ERO1A: variants seen among roughly 807,000 people sequenced by gnomAD.
ERO1A encodes the protein ERO1-like protein alpha.
ERO1A carries 49 observed loss-of-function variants against 76.9 expected under a neutral mutation model. That is an observed-to-expected ratio of 0.64 (90% confidence interval 0.51 to 0.81). The LOEUF (loss-of-function observed/expected upper bound fraction) is 0.81. Among genes scored for constraint, ERO1A ranks in the 30% least tolerant of loss-of-function variants. The pLI is 0.00. For synonymous variants in ERO1A, 174 were observed against 181.2 expected (o/e 0.96, Z 0.32); for missense variants, 448 against 542.1 (o/e 0.83, Z 1.72).
At chr14:52,658,092 T>C in intron 10 of ERO1A, 32 bp downstream of exon 10, 1 of 1,498,130 alleles carries the variant, frequency 6.7e-7, no homozygotes, top group Non-Finnish European at 9.2e-7. Context: ...AAAAAAACCA[T>C]CATTGAAATT....
intron 9 of ERO1A, among the ~76,000 whole-genome samples, chr14:52,660,382 A>G (rs2040193190): frequency 6.6e-6 from 1 of 152,234 alleles, no homozygotes; most frequent in Non-Finnish European, 1.5e-5. Flanking sequence ...CTAACAATAT[A>G]GCATAGAACT....
At chr14:52,647,609 T>C (rs1050527100) in intron 13 of ERO1A, among the ~76,000 whole-genome samples, 1 of 152,106 alleles carries the variant, frequency 6.6e-6, no homozygotes, top group African/African-American at 2.4e-5. Context: ...GAATATTATA[T>C]CATTTATAAT....
intron 2 of ERO1A, among the ~76,000 whole-genome samples, chr14:52,683,243 C>T (rs1237045515): frequency 6.6e-6 from 1 of 151,918 alleles, no homozygotes; most frequent in African/African-American, 2.4e-5. Flanking sequence ...ACTAAATAGA[C>T]CCTGAACAGA....
Position 52,640,006 on chromosome 14 carries a change from A to G in ERO1A, c.*3564T>C, listed in dbSNP as rs1046606858. The G allele has an allele frequency of 1.3e-5, 2 of 152,234 alleles. No individual in the cohort carries two copies. The allele number at this position is 152,234 out of a possible 1,614,324, so 9.4% of individuals were successfully genotyped here. A position where few individuals can be genotyped will look rare whatever the true frequency, so the allele number is the denominator to read the frequency against. On this transcript the variant is annotated 3_prime_UTR_variant, in exon 16 of 16. Transcript: ENST00000395686. Reference sequence around the variant, plus strand: ...GCTGTAAAGTGAAGGGAGTGAAAGTATTTGGAATATAGGTAGGACCTCTAA... The same window carrying G: ...GCTGTAAAGTGAAGGGAGTGAAAGTGTTTGGAATATAGGTAGGACCTCTAA...
At chr14:52,689,273 A>G (rs1419772166) in intron 1 of ERO1A, among the ~76,000 whole-genome samples, 1 of 152,200 alleles carries the variant, frequency 6.6e-6, no homozygotes, top group African/African-American at 2.4e-5. Context: ...ATTTTTTATG[A>G]AATACCTTTT....
chr14:52,683,749 T>G, intron 2 of ERO1A, 39 bp downstream of exon 2: 1 of 900,974 alleles, frequency 1.1e-6, no homozygotes. Flanking sequence ...AATTATCCAT[T>G]TAAAGTATTC....
intron 4 of ERO1A, chr14:52,672,358 G>C (rs2040630673): frequency 6.6e-6 from 1 of 152,218 alleles, no homozygotes; most frequent in South Asian, 2.1e-4. Context: ...AAATACTTTA[G>C]CCCAAATATT....
intron 9 of ERO1A, 25 bp from the exon 10 acceptor site, chr14:52,658,175 A>T: frequency 6.8e-7 from 1 of 1,464,338 alleles, no homozygotes; most frequent in Non-Finnish European, 9.4e-7. Flanking sequence ...AAAATAAGTC[A>T]TAAGAATAGA....
At chr14:52,680,043 GAGTGAGAC>G (rs1310386687) in intron 3 of ERO1A, among the ~76,000 whole-genome samples, 4 of 133,522 alleles carry the variant, frequency 3.0e-5, no homozygotes, top group Non-Finnish European at 6.1e-5. Context: ...CTGGGCAACA[GAGTGAGAC>G]CCTGTCTCAA....
chr14:52,683,332 G>A (rs2041064060), intron 2 of ERO1A, among the ~76,000 whole-genome samples: 1 of 152,052 alleles, frequency 6.6e-6, no homozygotes. Flanking sequence ...ATAGACAATT[G>A]TAAACTGACT....
chr14:52,684,421 T>TG (rs765268975), intron 1 of ERO1A, among the ~76,000 whole-genome samples: 4 of 151,994 alleles, frequency 2.6e-5, no homozygotes, highest in Admixed American at 6.5e-5. Context: ...TCGGAATTCT[T>TG]GGGGGGCAAA....
intron 9 of ERO1A, among the ~76,000 whole-genome samples, chr14:52,660,799 C>T (rs1030331261): frequency 1.3e-5 from 2 of 152,104 alleles, no homozygotes; most frequent in African/African-American, 4.8e-5. Flanking sequence ...TCATTTTCAC[C>T]CTTAAAGCAA....
intron 9 of ERO1A, among the ~76,000 whole-genome samples, chr14:52,659,223 A>C (rs2040150696): frequency 6.6e-6 from 1 of 152,208 alleles, no homozygotes; most frequent in Admixed American, 6.5e-5. Context: ...TGAATTTAAA[A>C]ATTCACAAAG....
chr14:52,685,832 T>C (rs1477062751), intron 1 of ERO1A, among the ~76,000 whole-genome samples: 1 of 152,232 alleles, frequency 6.6e-6, no homozygotes, highest in Non-Finnish European at 1.5e-5. Flanking sequence ...TAAGTATTAC[T>C]GTACCTCACA....
intron 3 of ERO1A, among the ~76,000 whole-genome samples, chr14:52,679,882 C>T (rs193181090): frequency 6.6e-6 from 1 of 152,066 alleles, no homozygotes; most frequent in Admixed American, 6.6e-5. Context: ...GAAACCTTGT[C>T]TCTACCAAAA....
At chr14:52,681,494 T>C (rs374087057) in intron 3 of ERO1A, among the ~76,000 whole-genome samples, 3 of 152,050 alleles carry the variant, frequency 2.0e-5, no homozygotes, top group South Asian at 4.2e-4. Flanking sequence ...TCCCAGCTAC[T>C]TGGGAGGCTG....
At chr14:52,692,264 A>T (rs1311861849) in intron 1 of ERO1A, among the ~76,000 whole-genome samples, 1 of 152,186 alleles carries the variant, frequency 6.6e-6, no homozygotes, top group Non-Finnish European at 1.5e-5. Context: ...GTTTCAACAT[A>T]TGCTTGATGA....
chr14:52,662,436 G>T (rs2040260866), intron 8 of ERO1A, among the ~76,000 whole-genome samples: 1 of 152,114 alleles, frequency 6.6e-6, no homozygotes, highest in Non-Finnish European at 1.5e-5. Context: ...CTTCTAGGAG[G>T]AAATTTATAT....
chr14:52,646,553 C>A, intron 13 of ERO1A, 92 bp from the exon 14 acceptor site: 1 of 952,648 alleles, frequency 1.0e-6, no homozygotes, highest in Non-Finnish European at 1.6e-6. Context: ...TAACACTGTG[C>A]AAGGTACTAT....
Sources: gnomAD v4.1 joint callset for allele counts (sites outside exome capture counted in the v4.1 genomes callset) on GRCh38, gnomAD v4.1.1 for gene constraint, MANE v1.5 for transcripts, NCBI Gene and HGNC (gene_info 2026-07-23, HGNC 2026-07-21) for gene names.